Variants in DMD observed in about 807,000 individuals in gnomAD.
The protein encoded by DMD is dystrophin.
DMD carries 63 observed loss-of-function variants against 330.1 expected under a neutral mutation model. The ratio of observed to expected loss-of-function variants is 0.19; its 90% CI spans 0.16 to 0.24. DMD has a LOEUF of 0.24. Ranked by LOEUF, DMD falls within the 10% of genes least tolerant of loss-of-function variation. The pLI is 1.00. For missense variants in DMD, 3,344 were observed against 2,684.1 expected, an observed-to-expected ratio of 1.25 and a Z score of -5.43; for synonymous variants, 1,223 against 959.8, an observed-to-expected ratio of 1.27 and a Z score of -5.07.
At chrX:31,152,520 C>T (rs997452458) in intron 74 of DMD, among the ~76,000 whole-genome samples, 1 of 85,266 alleles carries the variant, frequency 1.2e-5, no homozygotes, top group Non-Finnish European at 2.2e-5. Flanking sequence ...ATTTTGCTTT[C>T]TTCTAGAATT....
At chrX:31,434,330 A>C (rs1398812117) in intron 60 of DMD, among the ~76,000 whole-genome samples, 1 of 108,948 alleles carries the variant, frequency 9.2e-6, no homozygotes, top group East Asian at 2.9e-4. Flanking sequence ...GCTTGTCTTC[A>C]TCCTTCAGAT....
chrX:31,361,394 C>CT (rs1219122870), intron 60 of DMD, among the ~76,000 whole-genome samples: 20 of 111,404 alleles, frequency 1.8e-4, no homozygotes, highest in African/African-American at 5.9e-4. Context: ...TGAAAAATTT[C>CT]TTTTCTCAAG....
intron 30 of DMD, among the ~76,000 whole-genome samples, chrX:32,394,929 A>AAC (rs1569560913): frequency 5.4e-5 from 5 of 92,617 alleles, no homozygotes; most frequent in African/African-American, 1.9e-4. Flanking sequence ...AAAAAAAAAA[A>AAC]AAAAGAAAAG....
chrX:32,645,404 G>A (rs1258708539), intron 9 of DMD, among the ~76,000 whole-genome samples: 3 of 111,889 alleles, frequency 2.7e-5, no homozygotes, highest in African/African-American at 9.7e-5. Flanking sequence ...ATTACTGGAA[G>A]GAGTAAATTA....
In DMD at chrX:33,118,543, C is replaced by T. The variant is rs779239237; in HGVS notation, c.31+92739G>A. On this transcript the variant is annotated intron_variant, in intron 1 of 78. Coordinates refer to ENST00000357033, the MANE Select transcript of DMD (RefSeq NM_004006.3). ...ACTGGATAGGACAAACTGTCTTACT[C>T]AGTCCTAGGAAAAGAAACGTTCATC... 6.2e-5 allele frequency among the ~76,000 whole-genome samples: 7 copies of T among 112,127 alleles called. No individual in the cohort carries two copies. In the Admixed American group the frequency reaches 6.7e-4, roughly 11 times the overall value.
chrX:32,881,111 A>ACTCTGGTC (rs1353400300), intron 2 of DMD, among the ~76,000 whole-genome samples: 5 of 112,661 alleles, frequency 4.4e-5, no homozygotes, highest in Non-Finnish European at 7.5e-5. Flanking sequence ...ATACCAGAGT[A>ACTCTGGTC]AGTACAGCTA....
At position 31,566,487 on chromosome X, in the gene DMD, T is replaced by C. The variant is rs1415428527; in HGVS notation, c.8218-59034A>G. On this transcript the variant is annotated intron_variant, in intron 55 of 78. Coordinates refer to ENST00000357033, the MANE Select transcript of DMD (RefSeq NM_004006.3). ...ATCCCTCCAGCAACATCATACTGTA[T>C]TGATAGCCTTACTATATTGTTAGCC... is the stretch of plus-strand genomic sequence containing the variant. 2.7e-5 allele frequency among the ~76,000 whole-genome samples: 3 copies of C among 111,962 alleles called. No individual in the cohort carries two copies. In the Admixed American group the frequency reaches 2.8e-4, roughly 11 times the overall value.
intron 13 of DMD, among the ~76,000 whole-genome samples, chrX:32,580,344 CT>C (rs1469518233): frequency 3.6e-5 from 4 of 112,169 alleles, no homozygotes; most frequent in Non-Finnish European, 5.6e-5. Context: ...TTAGAACCAT[CT>C]TTTTTGGATC....
chrX:31,175,385 C>T (rs1351739022), intron 71 of DMD, among the ~76,000 whole-genome samples: 1 of 110,750 alleles, frequency 9.0e-6, no homozygotes, highest in Non-Finnish European at 1.9e-5. Flanking sequence ...TTATACAGAG[C>T]TTTAATTCTT....
intron 47 of DMD, among the ~76,000 whole-genome samples, chrX:31,927,424 T>C (rs770747775): frequency 8.9e-6 from 1 of 112,343 alleles, no homozygotes; most frequent in Non-Finnish European, 1.9e-5. Flanking sequence ...CCTACAATTA[T>C]AATTTTTGTT....
chrX:32,123,422 G>T (rs2096647703), intron 44 of DMD, among the ~76,000 whole-genome samples: 1 of 106,064 alleles, frequency 9.4e-6, no homozygotes. Context: ...CTCAAGAATG[G>T]GCATTTCTAA....
intron 44 of DMD, among the ~76,000 whole-genome samples, chrX:32,096,326 A>G (rs1249661785): frequency 9.0e-6 from 1 of 111,581 alleles, no homozygotes; most frequent in African/African-American, 3.3e-5. Context: ...GCAAGAAAAT[A>G]CAACTCTATG....
At chrX:33,300,404 G>A (rs2053644909) in intron 1 of DMD, among the ~76,000 whole-genome samples, 1 of 112,010 alleles carries the variant, frequency 8.9e-6, no homozygotes, top group Non-Finnish European at 1.9e-5. Context: ...AAAACTTCTG[G>A]TTCATCCTCA....
chrX:33,056,386 G>A (rs1324350980), intron 1 of DMD, among the ~76,000 whole-genome samples: 25 of 106,140 alleles, frequency 2.4e-4, no homozygotes, highest in African/African-American at 8.3e-4. Context: ...TCGAGACGGA[G>A]TTTTGCTCTC....
At chrX:33,122,716 A>C in intron 1 of DMD, among the ~76,000 whole-genome samples, 1 of 112,065 alleles carries the variant, frequency 8.9e-6, no homozygotes, top group African/African-American at 3.2e-5. Context: ...GAGTGAAGCG[A>C]AGTACAACTT....
chrX:32,889,623 G>A (rs971156423), intron 2 of DMD, among the ~76,000 whole-genome samples: 10 of 110,888 alleles, frequency 9.0e-5, no homozygotes, highest in Non-Finnish European at 1.9e-4. Flanking sequence ...ACTGATCAAT[G>A]TACTTTGTAA....
rs56157177 is a variant in DMD at position 31,421,858 on chromosome X, ACTCTCT to A, written c.9084+22617_9084+22622del. Among the ~76,000 whole-genome samples, 290 of 77,317 alleles carry A rather than the reference ACTCTCT, an allele frequency of 3.8e-3. 1 individual carries two copies. The highest frequency in any genetic ancestry group is 8.9e-3 in the Admixed American group (56 of 6,317). 67.1% of individuals were successfully genotyped at this position (77,317 alleles called of 115,157 possible). The stretch of plus-strand genomic sequence containing the variant: ...TTCTGGCTTCAACCCCTCCCTGCTT[ACTCTCT>A]CTCTCTCTCTCTCTCTCTCTTTCTA... On this transcript the variant is annotated intron_variant, in intron 60 of 78. Coordinates refer to ENST00000357033, the MANE Select transcript of DMD (RefSeq NM_004006.3).
chrX:31,562,729 G>A (rs1354174196), intron 55 of DMD, among the ~76,000 whole-genome samples: 4 of 111,705 alleles, frequency 3.6e-5, no homozygotes, highest in African/African-American at 1.3e-4. Context: ...CACATGTTGC[G>A]AATACATCTA....
intron 55 of DMD, among the ~76,000 whole-genome samples, chrX:31,568,682 T>C (rs2075597814): frequency 8.9e-6 from 1 of 111,786 alleles, no homozygotes; most frequent in Non-Finnish European, 1.9e-5. Flanking sequence ...AGACGGCATA[T>C]TGTGTGCTCA....
Sources: allele counts gnomAD v4.1 joint callset (sites outside exome capture counted in the v4.1 genomes callset), GRCh38; gene constraint gnomAD v4.1.1; transcripts MANE v1.5; gene names NCBI Gene and HGNC (gene_info 2026-07-23, HGNC 2026-07-21).